PIK3R6: variants seen among roughly 807,000 people sequenced by gnomAD.
PIK3R6 encodes the protein phosphoinositide 3-kinase regulatory subunit 6.
Under a neutral mutation model 84.9 loss-of-function variants are expected in PIK3R6, and 91 were observed. The observed-to-expected ratio is 1.07, with a 90% confidence interval of 0.90 to 1.28. PIK3R6 has a LOEUF of 1.28. Ranked by LOEUF, PIK3R6 falls within the 50% of genes most tolerant of loss-of-function variation. The pLI is 0.00. For missense variants in PIK3R6, 996 were observed against 985.1 expected, an observed-to-expected ratio of 1.01 and a Z score of -0.15; for synonymous variants, 416 against 411.4, an observed-to-expected ratio of 1.01 and a Z score of -0.13.
At chr17:8,858,642 C>T (rs2089201015) in intron 1 of PIK3R6, among the ~76,000 whole-genome samples, 2 of 152,240 alleles carry the variant, frequency 1.3e-5, no homozygotes, top group African/African-American at 4.8e-5. Context: ...TCAATGGAAG[C>T]TCATTGTATG....
In PIK3R6 at chr17:8,836,600, C is replaced by T; in HGVS notation, c.408G>A (p.Arg136=). 1.2e-6 allele frequency: 2 copies of T among 1,613,980 alleles called. No homozygotes were observed. The highest frequency in any genetic ancestry group is 1.7e-6 in the Non-Finnish European group (2 of 1,179,890). The part of the protein sequence containing the change: ...EMAVPGTLYQ[R]MVIAEQNLTN... ...TCAAGTTCTGTTCGGCAATGACCATCCTTTGGTACAGTGTCCCTGCAAACC... is the reference window on the plus strand; with the variant it reads ...TCAAGTTCTGTTCGGCAATGACCATTCTTTGGTACAGTGTCCCTGCAAACC... The change falls in exon 7 of 20, where the codon AGG becomes AGA. Residue 136 remains arginine, a synonymous_variant. Coordinates refer to ENST00000619866, the MANE Select transcript of PIK3R6 (RefSeq NM_001010855.4).
In PIK3R6 at chr17:8,846,858, T is replaced by C. The variant is rs554022693; in HGVS notation, c.13+2924A>G. On this transcript the variant is annotated intron_variant, in intron 2 of 19. Coordinates refer to ENST00000619866, the MANE Select transcript of PIK3R6 (RefSeq NM_001010855.4). ...TTAGATAATAGCCATGTGACTGCAT[T>C]CTGGCCAATGGAATGTGGTGGAAGT... 3.9e-5 allele frequency among the ~76,000 whole-genome samples: 6 copies of C among 152,224 alleles called. No homozygotes were observed. The East Asian group carries it at 1.2e-3, about 29-fold the overall frequency.
At position 8,842,547 on chromosome 17, in the gene PIK3R6, T is replaced by C. The variant is rs754323935; in HGVS notation, c.14-2850A>G. 2.6e-5 allele frequency among the ~76,000 whole-genome samples: 4 copies of C among 152,232 alleles called. No individual in the cohort carries two copies. Among genetic ancestry groups the C allele is most frequent in the Non-Finnish European group, 5.9e-5 (4 of 68,044 alleles). On this transcript the variant is annotated intron_variant, in intron 2 of 19. Coordinates refer to ENST00000619866, the MANE Select transcript of PIK3R6 (RefSeq NM_001010855.4). This position sits in a 1 kb window ranked among gnomAD's most constrained non-coding sequence, Gnocchi z 4.5. ...ATAAATCCTTGAACTTGGTGTCTGC[T>C]TCTTGGCAGATCCAGACTCAGACAA... is the stretch of plus-strand genomic sequence containing the variant.
intron 5 of PIK3R6, 115 bp downstream of exon 5, chr17:8,837,688 C>A: frequency 1.1e-6 from 1 of 909,836 alleles, no homozygotes; most frequent in South Asian, 1.6e-5. Flanking sequence ...GGCAGGCAAT[C>A]CAAGGGATTT....
chr17:8,807,089 G>A (rs148406533), intron 18 of PIK3R6, among the ~76,000 whole-genome samples: 6 of 152,368 alleles, frequency 3.9e-5, no homozygotes, highest in African/African-American at 1.2e-4. Context: ...CTTTGAAAGA[G>A]GAAATGCAAC....
rs531832284 is a variant in PIK3R6, at chr17:8,828,787, C to T, written c.1093G>A (p.Gly365Arg). 39 of 1,586,786 alleles carry T rather than the reference C, an allele frequency of 2.5e-5. 1 individual carries two copies. In the East Asian group the frequency reaches 8.5e-4, roughly 35 times the overall value. Residue 365 changes from glycine to arginine, a missense_variant, in exon 11 of 20, where the codon GGG (glycine) becomes AGG (arginine). Transcript: ENST00000619866. Reference sequence around the variant, plus strand: ...TTGATGCCCCCTTTGCGCTGCAGCCCGGCTCGCTCCATCTCAGGGCTGCCG... The same window carrying T: ...TTGATGCCCCCTTTGCGCTGCAGCCTGGCTCGCTCCATCTCAGGGCTGCCG... ...APGSPEMERA[G>R]LQRKGGIKKR...
intron 16 of PIK3R6, among the ~76,000 whole-genome samples, chr17:8,822,201 A>T (rs913894850): frequency 6.6e-6 from 1 of 151,776 alleles, no homozygotes; most frequent in African/African-American, 2.4e-5. Context: ...GGTTTTGTCT[A>T]TGTCACTAAG....
intron 1 of PIK3R6, among the ~76,000 whole-genome samples, chr17:8,863,748 T>C (rs9906686): frequency 0.26 from 39,901 of 152,106 alleles, 5,792 homozygotes; most frequent in Non-Finnish European, 0.31. Flanking sequence ...TTGGCCAGAA[T>C]AGCCTCGATC....
At chr17:8,811,217 T>G (rs1175867898) in intron 18 of PIK3R6, among the ~76,000 whole-genome samples, 1 of 148,600 alleles carries the variant, frequency 6.7e-6, no homozygotes, top group Admixed American at 6.8e-5. Context: ...TTGGTCCCTT[T>G]CAGCCATGGC....
At chr17:8,805,554 C>T (rs141482007) in intron 18 of PIK3R6, among the ~76,000 whole-genome samples, 37 of 152,250 alleles carry the variant, frequency 2.4e-4, no homozygotes, top group African/African-American at 8.7e-4. Context: ...CTCTGTAAGA[C>T]GGGGCAACTC....
At chr17:8,810,280 G>A (rs933103594) in intron 18 of PIK3R6, among the ~76,000 whole-genome samples, 1 of 147,772 alleles carries the variant, frequency 6.8e-6, no homozygotes, top group Non-Finnish European at 1.5e-5. Context: ...CACGAGAACA[G>A]CATGGGAAAG....
chr17:8,810,834 G>A (rs1466379764), intron 18 of PIK3R6, among the ~76,000 whole-genome samples: 1 of 148,694 alleles, frequency 6.7e-6, no homozygotes, highest in African/African-American at 2.5e-5. Flanking sequence ...CCTCCCAGCT[G>A]CTTTTATGGG....
Position 8,842,631 on chromosome 17 carries a change from G to A in PIK3R6, c.14-2934C>T, listed in dbSNP as rs1597423500. Among the ~76,000 whole-genome samples the A allele has an allele frequency of 6.6e-6, 1 of 152,076 alleles. No homozygotes were observed. The highest frequency in any genetic ancestry group is 2.4e-5 in the African/African-American group (1 of 41,404). ...CCTCTTTGCAATTAGCTCCCACCAA[G>A]AGTTTGCCATTATAGGTGAGTGTGT... On this transcript the variant is annotated intron_variant, in intron 2 of 19. Coordinates refer to ENST00000619866, the MANE Select transcript of PIK3R6 (RefSeq NM_001010855.4). This position sits in a 1 kb window ranked among gnomAD's most constrained non-coding sequence, Gnocchi z 4.5.
At chr17:8,821,727 T>G in intron 17 of PIK3R6, 119 bp downstream of exon 17, 2 of 1,111,664 alleles carry the variant, frequency 1.8e-6, no homozygotes, top group Non-Finnish European at 2.6e-6. Context: ...CAAGTCCTGG[T>G]CCTGGCTCCA....
chr17:8,851,370 C>T (rs2088960864), intron 1 of PIK3R6, among the ~76,000 whole-genome samples: 2 of 151,592 alleles, frequency 1.3e-5, no homozygotes, highest in Non-Finnish European at 1.5e-5. Context: ...GTGGTGGGCG[C>T]CTGTAGTCCC....
At chr17:8,860,616 T>C (rs2089257195) in intron 1 of PIK3R6, among the ~76,000 whole-genome samples, 1 of 152,148 alleles carries the variant, frequency 6.6e-6, no homozygotes, top group Admixed American at 6.5e-5. Flanking sequence ...GAAATTTGAA[T>C]CTGTGGCCAA....
chr17:8,819,995 T>C (rs771045729), intron 17 of PIK3R6, among the ~76,000 whole-genome samples: 2 of 149,548 alleles, frequency 1.3e-5, no homozygotes, highest in Non-Finnish European at 3.0e-5. Context: ...TTGCCCAGGC[T>C]GTAGTGCAGT....
chr17:8,846,937 C>G (rs2088828117), intron 2 of PIK3R6, among the ~76,000 whole-genome samples: 1 of 152,176 alleles, frequency 6.6e-6, no homozygotes, highest in Admixed American at 6.5e-5. Flanking sequence ...TACTCCTCTT[C>G]CCTTTCCACA....
intron 12 of PIK3R6, among the ~76,000 whole-genome samples, chr17:8,827,778 G>GAGAGAC (rs1282915313): frequency 9.1e-5 from 11 of 120,956 alleles, no homozygotes; most frequent in African/African-American, 4.3e-4. Flanking sequence ...GAGAGAGAGA[G>GAGAGAC]AGAGAGAGAG....
Sources: gnomAD v4.1 joint callset for allele counts (sites outside exome capture counted in the v4.1 genomes callset) on GRCh38, gnomAD v4.1.1 for gene constraint, Gnocchi (gnomAD v3.1) non-coding constraint, MANE v1.5 for transcripts, NCBI Gene and HGNC (gene_info 2026-07-23, HGNC 2026-07-21) for gene names.